Variants in MKLN1 observed in about 807,000 individuals in gnomAD.
MKLN1 encodes the protein muskelin.
Under a neutral mutation model 99.0 loss-of-function variants are expected in MKLN1, and 18 were observed. The observed-to-expected ratio is 0.18, with a 90% CI of 0.13 to 0.27. The LOEUF (loss-of-function observed/expected upper bound fraction) is 0.27. Among genes scored for constraint, MKLN1 ranks in the 10% least tolerant of loss-of-function variants. The pLI is 1.00. For missense variants in MKLN1, 621 were observed against 875.9 expected, an observed-to-expected ratio of 0.71 and a Z score of 3.67; for synonymous variants, 288 against 293.2, an observed-to-expected ratio of 0.98 and a Z score of 0.18.
At chr7:131,226,526 T>G (rs1156812991) in intron 3 of MKLN1, among the ~76,000 whole-genome samples, 2 of 152,216 alleles carry the variant, frequency 1.3e-5, no homozygotes, top group Non-Finnish European at 2.9e-5. Context: ...GTTTATCTAG[T>G]GTATTCAGGT....
At chr7:131,343,357 A>G (rs1036046762) in intron 1 of MKLN1, among the ~76,000 whole-genome samples, 4 of 152,060 alleles carry the variant, frequency 2.6e-5, no homozygotes, top group Non-Finnish European at 4.4e-5. Flanking sequence ...TCTTTCTTAG[A>G]CTTTGTGTAT....
At chr7:131,251,307 T>G (rs534675638) in intron 3 of MKLN1, among the ~76,000 whole-genome samples, 1 of 152,330 alleles carries the variant, frequency 6.6e-6, no homozygotes, top group South Asian at 2.1e-4. Flanking sequence ...CTTATTGTGC[T>G]GCAACAACAC....
At chr7:131,302,962 G>A (rs763667702) in intron 3 of MKLN1, among the ~76,000 whole-genome samples, 73 of 152,254 alleles carry the variant, frequency 4.8e-4, no homozygotes, top group Admixed American at 1.0e-3. Flanking sequence ...CAAACTGTGC[G>A]CTGGGGTCTC....
At chr7:131,322,649 C>A (rs562665670) in intron 3 of MKLN1, among the ~76,000 whole-genome samples, 20 of 146,878 alleles carry the variant, frequency 1.4e-4, no homozygotes, top group African/African-American at 4.5e-4. Flanking sequence ...CGGCTCACTG[C>A]AAGCTCCGCT....
intron 9 of MKLN1, 64 bp downstream of exon 9, chr7:131,429,209 C>A (rs923128637): frequency 1.8e-6 from 2 of 1,094,178 alleles, no homozygotes; most frequent in Non-Finnish European, 1.4e-6. Flanking sequence ...ACTTGTTTTT[C>A]GGCATGATTA....
chr7:131,452,032 T>A (rs1318108498), intron 12 of MKLN1, among the ~76,000 whole-genome samples: 4 of 152,222 alleles, frequency 2.6e-5, no homozygotes, highest in Non-Finnish European at 5.9e-5. Flanking sequence ...TCTTTAGTAG[T>A]TATGTATTTA....
chr7:131,462,193 G>C (rs1796535611), intron 12 of MKLN1, among the ~76,000 whole-genome samples: 1 of 151,876 alleles, frequency 6.6e-6, no homozygotes, highest in Non-Finnish European at 1.5e-5. Flanking sequence ...CACCACACTT[G>C]GCTGATTTTT....
chr7:131,344,813 T>C (rs933849343), intron 1 of MKLN1, among the ~76,000 whole-genome samples: 1 of 152,240 alleles, frequency 6.6e-6, no homozygotes, highest in African/African-American at 2.4e-5. Context: ...AAATAATTTT[T>C]TTTTTTTGAG....
At position 131,139,288 on chromosome 7, in the gene MKLN1, CTG is replaced by C. The variant is rs1795696446; in HGVS notation, c.-418-3527_-418-3526del. ...CATCCGTACAGCATCATTGTGGCCT[CTG>C]TGTGGTCTATTGGCTCTAACCCATT... is the stretch of plus-strand genomic sequence containing the variant. On this transcript the variant is annotated intron_variant, in intron 1 of 7. Coordinates refer to the MKLN1 transcript ENST00000416992. 2.0e-5 allele frequency among the ~76,000 whole-genome samples: 3 copies of C among 152,252 alleles called. No individual in the cohort carries two copies. The South Asian group carries it at 6.2e-4, about 32-fold the overall frequency.
chr7:131,121,490 T>A (rs1324307963), intron 1 of MKLN1, among the ~76,000 whole-genome samples: 1 of 151,698 alleles, frequency 6.6e-6, no homozygotes, highest in African/African-American at 2.4e-5. Context: ...CACAAAAAAT[T>A]AGCTGGGTGT....
intron 2 of MKLN1, among the ~76,000 whole-genome samples, chr7:131,200,708 C>A (rs1796714584): frequency 6.6e-6 from 1 of 152,202 alleles, no homozygotes; most frequent in Non-Finnish European, 1.5e-5. Flanking sequence ...AAAGTATTAG[C>A]ACATTGGACT....
At chr7:131,413,301 A>G (rs1040749257) in intron 7 of MKLN1, among the ~76,000 whole-genome samples, 4 of 152,200 alleles carry the variant, frequency 2.6e-5, no homozygotes, top group Middle Eastern at 3.2e-3. Flanking sequence ...TCAGTTTTGT[A>G]TCTTATTTTC....
intron 16 of MKLN1, among the ~76,000 whole-genome samples, chr7:131,472,947 C>CAA (rs34420594): frequency 5.7e-4 from 46 of 81,128 alleles, no homozygotes; most frequent in Non-Finnish European, 8.0e-4. Context: ...GATTCCATCT[C>CAA]AAAAAAAAAA....
chr7:131,444,387 G>A (rs1298622807), intron 11 of MKLN1, among the ~76,000 whole-genome samples: 5 of 151,848 alleles, frequency 3.3e-5, no homozygotes, highest in Non-Finnish European at 5.9e-5. Context: ...GCGGTGTTGG[G>A]ATTACAGGCA....
intron 17 of MKLN1, among the ~76,000 whole-genome samples, chr7:131,480,623 C>T (rs977812859): frequency 1.3e-5 from 2 of 152,168 alleles, no homozygotes; most frequent in Admixed American, 6.5e-5. Context: ...TAATGATTTA[C>T]CACTATTCAT....
chr7:131,126,226 A>G (rs1795456129), intron 1 of MKLN1, among the ~76,000 whole-genome samples: 1 of 152,126 alleles, frequency 6.6e-6, no homozygotes, highest in Non-Finnish European at 1.5e-5. Flanking sequence ...GACCCATGAG[A>G]ATAATGCCAG....
chr7:131,405,392 A>C (rs1217558809), intron 6 of MKLN1, among the ~76,000 whole-genome samples: 1 of 151,964 alleles, frequency 6.6e-6, no homozygotes, highest in Non-Finnish European at 1.5e-5. Context: ...TATCAAGTGC[A>C]CTAGTCTCTT....
intron 1 of MKLN1, among the ~76,000 whole-genome samples, chr7:131,125,520 T>C (rs1189190321): frequency 1.3e-5 from 2 of 152,064 alleles, no homozygotes; most frequent in South Asian, 2.1e-4. Flanking sequence ...AGTCATATGA[T>C]TGGAAGTGTA....
At chr7:131,467,169 C>G (rs1212460033) in intron 15 of MKLN1, among the ~76,000 whole-genome samples, 1 of 152,122 alleles carries the variant, frequency 6.6e-6, no homozygotes, top group Non-Finnish European at 1.5e-5. Context: ...CTGTCAATTA[C>G]TTTATGCTAG....
Sources: allele counts gnomAD v4.1 joint callset (sites outside exome capture counted in the v4.1 genomes callset), GRCh38; gene constraint gnomAD v4.1.1; transcripts MANE v1.5; gene names NCBI Gene and HGNC (gene_info 2026-07-23, HGNC 2026-07-21).